Variants in AUTS2 observed in about 807,000 individuals in gnomAD.
AUTS2 encodes autism susceptibility gene 2 protein.
A neutral mutation model predicts 112.4 loss-of-function variants in AUTS2; 17 were observed. That is an observed-to-expected ratio of 0.15 (90% CI 0.10 to 0.23). AUTS2 has a LOEUF of 0.23. Ranked by LOEUF, AUTS2 falls within the 10% of genes least tolerant of loss-of-function variation. The probability of loss-of-function intolerance (pLI) is 1.00; values close to 1 mark genes in which losing one functional copy is unlikely to be tolerated. For synonymous variants in AUTS2, 751 were observed against 702.7 expected, an observed-to-expected ratio of 1.07 and a Z score of -1.09; for missense variants, 1,510 against 1,701.6, an observed-to-expected ratio of 0.89 and a Z score of 1.98.
chr7:70,563,426 G>T (rs1453218083), intron 5 of AUTS2, among the ~76,000 whole-genome samples: 1 of 152,142 alleles, frequency 6.6e-6, no homozygotes, highest in Non-Finnish European at 1.5e-5. Flanking sequence ...CCATTTCCCT[G>T]TTGAGCTCAT....
intron 5 of AUTS2, among the ~76,000 whole-genome samples, chr7:70,514,063 A>G (rs1309843837): frequency 6.6e-6 from 1 of 152,156 alleles, no homozygotes; most frequent in Non-Finnish European, 1.5e-5. Flanking sequence ...TTACCCCTTT[A>G]AAAGCTGTTT....
rs757290860 is a variant in AUTS2 at position 70,766,375 on chromosome 7, G to A, written c.1689+41G>A. 32 of 1,605,476 alleles carry A rather than the reference G, an allele frequency of 2.0e-5. No individual in the cohort carries two copies. The East Asian group carries it at 2.5e-4, about 12-fold the overall frequency. On this transcript the variant is annotated intron_variant, in intron 9 of 18. Transcript: ENST00000342771. The surrounding 1 kb of genome is among the most constrained non-coding windows in gnomAD (Gnocchi z 4.8). Reference sequence around the variant, plus strand: ...AGAAATGTGAGGATAAGTAGAGCACGACTCTTTTCTTTATGCAGCACGTGG... The same window carrying A: ...AGAAATGTGAGGATAAGTAGAGCACAACTCTTTTCTTTATGCAGCACGTGG...
chr7:69,859,932 G>T (rs1303013028), intron 1 of AUTS2, among the ~76,000 whole-genome samples: 1 of 152,176 alleles, frequency 6.6e-6, no homozygotes, highest in Non-Finnish European at 1.5e-5. Flanking sequence ...TCCTGGGGTA[G>T]ACAGGTAGCA....
chr7:70,737,530 G>C (rs1787843380), intron 6 of AUTS2, among the ~76,000 whole-genome samples: 1 of 152,180 alleles, frequency 6.6e-6, no homozygotes, highest in South Asian at 2.1e-4. Context: ...GTGATTTTAG[G>C]AGGAAGAGAC....
intron 1 of AUTS2, among the ~76,000 whole-genome samples, chr7:69,611,052 T>C (rs1443056734): frequency 6.6e-6 from 1 of 152,232 alleles, no homozygotes; most frequent in Non-Finnish European, 1.5e-5. Flanking sequence ...CTGGCCTCTA[T>C]CAGAACTGTG....
chr7:70,009,842 A>T (rs1799717425), intron 2 of AUTS2, among the ~76,000 whole-genome samples: 1 of 152,166 alleles, frequency 6.6e-6, no homozygotes, highest in Non-Finnish European at 1.5e-5. Flanking sequence ...CTCTAGTGAG[A>T]CCTAAAATAA....
intron 2 of AUTS2, 83 bp downstream of exon 2, chr7:69,899,581 G>C: frequency 7.6e-7 from 1 of 1,320,418 alleles, no homozygotes; most frequent in Non-Finnish European, 1.1e-6. Context: ...TTTCGTAACA[G>C]GTGGAGAAGA....
intron 5 of AUTS2, among the ~76,000 whole-genome samples, chr7:70,614,614 G>C (rs1051223249): frequency 6.6e-6 from 1 of 152,190 alleles, no homozygotes. Context: ...AGCTTCAGAG[G>C]CGTGGCTTTT....
intron 2 of AUTS2, among the ~76,000 whole-genome samples, chr7:70,073,669 T>A (rs1449775961): frequency 6.6e-6 from 1 of 152,306 alleles, no homozygotes; most frequent in South Asian, 2.1e-4. Context: ...TGGAAGGTAA[T>A]ATTGTTTACC....
intron 4 of AUTS2, among the ~76,000 whole-genome samples, chr7:70,381,076 C>G (rs1793347456): frequency 6.6e-6 from 1 of 152,150 alleles, no homozygotes; most frequent in Admixed American, 6.5e-5. Context: ...AATATTTGCT[C>G]TCATCCAACA....
intron 5 of AUTS2, among the ~76,000 whole-genome samples, chr7:70,671,094 C>T (rs1807613174): frequency 6.6e-6 from 1 of 152,166 alleles, no homozygotes; most frequent in African/African-American, 2.4e-5. Flanking sequence ...ATTGCTTGAA[C>T]CTGGTGGGGG....
intron 1 of AUTS2, among the ~76,000 whole-genome samples, chr7:69,615,055 G>T (rs2129084310): frequency 6.6e-6 from 1 of 152,312 alleles, no homozygotes; most frequent in African/African-American, 2.4e-5. Flanking sequence ...TTGATTTTAT[G>T]TATTTGTAAA....
intron 4 of AUTS2, among the ~76,000 whole-genome samples, chr7:70,305,267 T>C (rs751491368): frequency 6.6e-6 from 1 of 152,226 alleles, no homozygotes; most frequent in Non-Finnish European, 1.5e-5. Context: ...CAGAGTGTTT[T>C]GTAGGCTGTC....
At chr7:69,902,645 T>G (rs1387343953) in intron 2 of AUTS2, among the ~76,000 whole-genome samples, 1 of 152,184 alleles carries the variant, frequency 6.6e-6, no homozygotes, top group Non-Finnish European at 1.5e-5. Flanking sequence ...ATAGGATTTT[T>G]TTTTCTGAGA....
At chr7:70,460,218 A>G (rs779682665) in intron 5 of AUTS2, among the ~76,000 whole-genome samples, 10 of 152,166 alleles carry the variant, frequency 6.6e-5, no homozygotes, top group African/African-American at 1.9e-4. Flanking sequence ...GAAGTGCCAC[A>G]GGAGGTCGAA....
At chr7:69,668,488 A>G (rs1796172287) in intron 1 of AUTS2, among the ~76,000 whole-genome samples, 1 of 152,234 alleles carries the variant, frequency 6.6e-6, no homozygotes, top group Non-Finnish European at 1.5e-5. Context: ...ATTACTTTAC[A>G]GTACTTAAAA....
intron 2 of AUTS2, among the ~76,000 whole-genome samples, chr7:70,044,309 A>G (rs1584629193): frequency 6.6e-6 from 1 of 152,168 alleles, no homozygotes; most frequent in African/African-American, 2.4e-5. Context: ...ACCTCAGTTT[A>G]TGTGCTATAA....
At chr7:69,793,108 T>C (rs1290443187) in intron 1 of AUTS2, among the ~76,000 whole-genome samples, 2 of 152,184 alleles carry the variant, frequency 1.3e-5, no homozygotes, top group East Asian at 3.9e-4. Context: ...TTTTTGCTGC[T>C]TTACCCACTA....
chr7:70,651,503 C>G (rs1323508306), intron 5 of AUTS2, among the ~76,000 whole-genome samples: 1 of 152,176 alleles, frequency 6.6e-6, no homozygotes, highest in Non-Finnish European at 1.5e-5. Context: ...GCCCAGCCCC[C>G]CTTAAACACG....
Sources: gnomAD v4.1 joint callset for allele counts (sites outside exome capture counted in the v4.1 genomes callset) on GRCh38, gnomAD v4.1.1 for gene constraint, Gnocchi (gnomAD v3.1) non-coding constraint, MANE v1.5 for transcripts, NCBI Gene and HGNC (gene_info 2026-07-23, HGNC 2026-07-21) for gene names.